CDH2: variants seen among roughly 807,000 people sequenced by gnomAD.
CDH2 encodes cadherin-2.
A neutral mutation model predicts 92.0 loss-of-function variants in CDH2; 17 were observed. That is an observed-to-expected ratio of 0.18 (90% CI 0.13 to 0.28). CDH2 has a LOEUF of 0.28. Among genes scored for constraint, CDH2 ranks in the 10% least tolerant of loss-of-function variants. The pLI, the probability that CDH2 is intolerant of heterozygous loss-of-function variation, is 1.00. For missense variants in CDH2, 862 were observed against 1,133.1 expected, an observed-to-expected ratio of 0.76 and a Z score of 3.44; for synonymous variants, 419 against 415.9, an observed-to-expected ratio of 1.01 and a Z score of -0.09.
intron 2 of CDH2, among the ~76,000 whole-genome samples, chr18:28,087,313 A>G (rs946359720): frequency 6.6e-6 from 1 of 152,192 alleles, no homozygotes; most frequent in African/African-American, 2.4e-5. Context: ...ATGATGAGGG[A>G]CAAAGATGTA....
chr18:28,021,989 G>C (rs1271750199), intron 2 of CDH2, among the ~76,000 whole-genome samples: 2 of 151,888 alleles, frequency 1.3e-5, no homozygotes, highest in African/African-American at 4.8e-5. Context: ...ATTAATGAAT[G>C]AGATTTCAAT....
rs542010493 is a variant in CDH2 at position 27,997,071 on chromosome 18, T to C, written c.1021-3434A>G. 3.9e-5 allele frequency among the ~76,000 whole-genome samples: 6 copies of C among 152,354 alleles called. No individual in the cohort carries two copies. The South Asian group carries it at 1.0e-3, about 26-fold the overall frequency. On this transcript the variant is annotated intron_variant, in intron 7 of 15. Coordinates refer to ENST00000269141, the MANE Select transcript of CDH2 (RefSeq NM_001792.5). ...AATGGAAAGCTAGCATCAGTTATCA[T>C]AAATATGACAGTAAAAAATAAACAT...
At chr18:28,006,661 T>A (rs1186158942) in intron 5 of CDH2, among the ~76,000 whole-genome samples, 2 of 140,622 alleles carry the variant, frequency 1.4e-5, no homozygotes, top group Non-Finnish European at 3.0e-5. Flanking sequence ...GAGGTTGCAG[T>A]GAGCCGAGAT....
At chr18:27,969,604 T>A (rs933736255) in intron 14 of CDH2, among the ~76,000 whole-genome samples, 2 of 152,250 alleles carry the variant, frequency 1.3e-5, no homozygotes, top group Admixed American at 1.3e-4. Context: ...ATTCCACAAA[T>A]TCTTTCATAA....
intron 14 of CDH2, among the ~76,000 whole-genome samples, chr18:27,968,703 C>T (rs1244423842): frequency 6.6e-6 from 1 of 152,124 alleles, no homozygotes; most frequent in African/African-American, 2.4e-5. Context: ...GGAACATTTT[C>T]CTTTTATAGC....
intron 6 of CDH2, among the ~76,000 whole-genome samples, chr18:27,943,616 A>G (rs1334644657): frequency 6.6e-6 from 1 of 152,228 alleles, no homozygotes; most frequent in Non-Finnish European, 1.5e-5. Flanking sequence ...AGTAATTACT[A>G]TAAATATTAA....
intron 1 of CDH2, among the ~76,000 whole-genome samples, chr18:28,175,835 G>C (rs955977530): frequency 6.6e-6 from 1 of 152,232 alleles, no homozygotes; most frequent in Non-Finnish European, 1.5e-5. Flanking sequence ...CCCGCGGCGA[G>C]GGTGGGCACG....
In CDH2 at chr18:27,987,535, C is replaced by T. The variant is rs534650797; in HGVS notation, c.1741+989G>A. 1.2e-4 allele frequency among the ~76,000 whole-genome samples: 19 copies of T among 152,278 alleles called. 1 individual carries two copies. Among genetic ancestry groups the T allele is most frequent in the African/African-American group, 4.3e-4 (18 of 41,550 alleles). ...ACAATTTGAAAATTGCAAACACCAACTTCAACCACCAAATTGAAGCCTGCT... is the reference window on the plus strand; with the variant it reads ...ACAATTTGAAAATTGCAAACACCAATTTCAACCACCAAATTGAAGCCTGCT... On this transcript the variant is annotated intron_variant, in intron 11 of 15. Transcript: ENST00000269141.
At chr18:28,035,334 C>T (rs17522770) in intron 2 of CDH2, among the ~76,000 whole-genome samples, 92 of 152,134 alleles carry the variant, frequency 6.0e-4, no homozygotes, top group African/African-American at 2.1e-3. Context: ...CATGCACATA[C>T]TACCTTTTGA....
chr18:28,154,135 T>TA (rs2016170420), intron 1 of CDH2, among the ~76,000 whole-genome samples: 1 of 152,238 alleles, frequency 6.6e-6, no homozygotes, highest in African/African-American at 2.4e-5. Context: ...TCAAACCCAA[T>TA]AGCTTAGCAA....
At chr18:28,078,933 C>T (rs1160481056) in intron 2 of CDH2, among the ~76,000 whole-genome samples, 1 of 152,098 alleles carries the variant, frequency 6.6e-6, no homozygotes, top group African/African-American at 2.4e-5. Context: ...TAACCTCATT[C>T]CTCCACACAC....
At position 28,051,778 on chromosome 18, in the gene CDH2, A is replaced by G. The variant is rs551403407; in HGVS notation, c.173-37869T>C. On this transcript the variant is annotated intron_variant, in intron 2 of 15. Coordinates refer to ENST00000269141, the MANE Select transcript of CDH2 (RefSeq NM_001792.5). ...CATGAATCAAACTCCTGAATGTGCT[A>G]AAGTGTACTGTTATATCTTTTACTA... is the stretch of plus-strand genomic sequence containing the variant. Among the ~76,000 whole-genome samples the G allele has an allele frequency of 7.2e-5, 11 of 152,284 alleles. No homozygotes were observed. The East Asian group carries it at 1.5e-3, about 21-fold the overall frequency.
intron 2 of CDH2, among the ~76,000 whole-genome samples, chr18:28,039,936 G>A (rs2013916164): frequency 6.6e-6 from 1 of 152,116 alleles, no homozygotes; most frequent in South Asian, 2.1e-4. Flanking sequence ...ATATGCTGAT[G>A]ACAATGCATG....
chr18:27,933,487 T>G (rs768854123), intron 6 of CDH2, among the ~76,000 whole-genome samples: 1 of 152,184 alleles, frequency 6.6e-6, no homozygotes, highest in Non-Finnish European at 1.5e-5. Flanking sequence ...CCCTATAGCA[T>G]GTCCTGAATA....
intron 2 of CDH2, among the ~76,000 whole-genome samples, chr18:28,065,273 T>C (rs2144154786): frequency 6.6e-6 from 1 of 152,236 alleles, no homozygotes; most frequent in East Asian, 1.9e-4. Context: ...AGATCTAAGC[T>C]AGGGTCCCAA....
intron 1 of CDH2, among the ~76,000 whole-genome samples, chr18:28,168,131 CCA>C (rs1323592712): frequency 6.6e-5 from 10 of 152,062 alleles, no homozygotes; most frequent in African/African-American, 2.2e-4. Flanking sequence ...ATTTCAGATT[CCA>C]CTTAATAGTT....
chr18:28,019,946 G>C (rs561235094), intron 2 of CDH2, among the ~76,000 whole-genome samples: 21 of 152,122 alleles, frequency 1.4e-4, no homozygotes, highest in Non-Finnish European at 2.9e-4. Context: ...ACTTGATCCT[G>C]TGGTTTTGGA....
At chr18:28,176,193 GC>G (rs1253989646) in intron 1 of CDH2, among the ~76,000 whole-genome samples, 2 of 152,150 alleles carry the variant, frequency 1.3e-5, no homozygotes, top group African/African-American at 2.4e-5. Context: ...AGGCAAAGGC[GC>G]CCCCGGGGCG....
At chr18:28,164,727 A>G (rs2016354420) in intron 1 of CDH2, among the ~76,000 whole-genome samples, 1 of 152,134 alleles carries the variant, frequency 6.6e-6, no homozygotes, top group Non-Finnish European at 1.5e-5. Flanking sequence ...CATATGAAAC[A>G]ATTAAATTAC....
Sources: allele counts gnomAD v4.1 joint callset (sites outside exome capture counted in the v4.1 genomes callset), GRCh38; gene constraint gnomAD v4.1.1; transcripts MANE v1.5; gene names NCBI Gene and HGNC (gene_info 2026-07-23, HGNC 2026-07-21).